ADK: variants seen among roughly 807,000 people sequenced by gnomAD.
ADK encodes N6,N6-dimethyladenosine kinase.
In ADK, 24 loss-of-function variants were observed where a neutral mutation model predicts 44.7. The ratio of observed to expected loss-of-function variants is 0.54; its 90% CI spans 0.39 to 0.76. The LOEUF (loss-of-function observed/expected upper bound fraction) is 0.76, where lower values mean the gene tolerates loss of function less well. Among genes scored for constraint, ADK ranks in the 30% least tolerant of loss-of-function variants. ADK has a pLI of 0.00. For synonymous variants in ADK, 128 were observed against 142.6 expected (o/e 0.90, Z 0.73); for missense variants, 321 against 425.1 (o/e 0.76, Z 2.15).
At chr10:74,254,244 C>CT (rs553960252) in intron 3 of ADK, among the ~76,000 whole-genome samples, 10 of 152,168 alleles carry the variant, frequency 6.6e-5, no homozygotes, top group Non-Finnish European at 1.3e-4. Flanking sequence ...ATATGCTCTT[C>CT]TTTTTGAAAT....
At chr10:74,648,651 C>T (rs1854141125) in intron 9 of ADK, among the ~76,000 whole-genome samples, 1 of 151,772 alleles carries the variant, frequency 6.6e-6, no homozygotes, top group African/African-American at 2.4e-5. Flanking sequence ...GCACTTCAGC[C>T]TGGTGACAAA....
rs1855829381 is a variant in ADK, at chr10:74,687,306, G to A, written c.964+17037G>A. ...CTACTCAGCTGCATTACGTGTCTGC[G>A]TCTTACTGTCTCACAGTCAGCTTCC... On this transcript the variant is annotated intron_variant, in intron 10 of 10. Transcript: ENST00000539909. Among the ~76,000 whole-genome samples, 3 of 147,118 alleles carry A rather than the reference G, an allele frequency of 2.0e-5. No homozygotes were observed. In the South Asian group the frequency reaches 6.3e-4, roughly 31 times the overall value.
rs75352805 is a variant in ADK at position 74,343,788 on chromosome 10, T to C, written c.273+29043T>C. Among the ~76,000 whole-genome samples, 131 of 152,224 alleles carry C rather than the reference T, an allele frequency of 8.6e-4. 2 individuals carry two copies. The East Asian group carries it at 0.016, about 18-fold the overall frequency. On this transcript the variant is annotated intron_variant, in intron 4 of 10. Coordinates refer to ENST00000539909, the MANE Select transcript of ADK (RefSeq NM_006721.4). ...CACGCCTAACTTATTTTTGTATTTT[T>C]AGTAGAGATGGGGTTTCACCATGTT...
At chr10:74,310,138 A>G (rs1198356311) in intron 3 of ADK, among the ~76,000 whole-genome samples, 1 of 152,094 alleles carries the variant, frequency 6.6e-6, no homozygotes, top group Admixed American at 6.5e-5. Context: ...TGAGGTGTTT[A>G]TATGGCCACC....
At chr10:74,334,515 T>C (rs1200136508) in intron 4 of ADK, among the ~76,000 whole-genome samples, 1 of 152,172 alleles carries the variant, frequency 6.6e-6, no homozygotes, top group Non-Finnish European at 1.5e-5. Context: ...TCATAAGTAA[T>C]GAAGTGTTTT....
intron 1 of ADK, among the ~76,000 whole-genome samples, chr10:74,165,885 T>A (rs950631327): frequency 6.6e-6 from 1 of 152,242 alleles, no homozygotes; most frequent in Non-Finnish European, 1.5e-5. Context: ...TGGGATCTAC[T>A]TAGTGGTATG....
At chr10:74,243,332 AC>A (rs1475426513) in intron 3 of ADK, among the ~76,000 whole-genome samples, 1 of 152,184 alleles carries the variant, frequency 6.6e-6, no homozygotes, top group African/African-American at 2.4e-5. Flanking sequence ...GCGTGAGTAA[AC>A]TGTCGCCCTT....
At position 74,561,031 on chromosome 10, in the gene ADK, GA is replaced by G. The variant is rs373947900; in HGVS notation, c.727-28249del. Among the ~76,000 whole-genome samples, 433 of 152,234 alleles carry G rather than the reference GA, an allele frequency of 2.8e-3. 5 individuals are homozygous for G. Among genetic ancestry groups the G allele is most frequent in the African/African-American group, 1.0e-2 (414 of 41,544 alleles). On this transcript the variant is annotated intron_variant, in intron 7 of 10. Coordinates refer to ENST00000539909, the MANE Select transcript of ADK (RefSeq NM_006721.4). ...CCCCTCTCCAAACCAAAACAAAACA[GA>G]ACAACAAAATTGTCAGTCTCTTCTG...
At chr10:74,676,964 G>A (rs1855414408) in intron 10 of ADK, among the ~76,000 whole-genome samples, 1 of 152,112 alleles carries the variant, frequency 6.6e-6, no homozygotes, top group African/African-American at 2.4e-5. Context: ...CATTCTCTAG[G>A]CTGGGAGCAG....
At chr10:74,346,927 G>A (rs528117169) in intron 4 of ADK, among the ~76,000 whole-genome samples, 4 of 151,870 alleles carry the variant, frequency 2.6e-5, no homozygotes, top group Admixed American at 1.3e-4. Context: ...TGGCTAACAC[G>A]GTGAAACCCT....
At chr10:74,543,848 CTTTTATCTTTTTTTTTTCTT>C (rs992562852) in intron 7 of ADK, among the ~76,000 whole-genome samples, 1 of 151,800 alleles carries the variant, frequency 6.6e-6, no homozygotes, top group African/African-American at 2.4e-5. Flanking sequence ...TTTAAAGACT[CTTTTATCTTTTTTTTTTCTT>C]TTTTTTGCTA....
intron 9 of ADK, among the ~76,000 whole-genome samples, chr10:74,605,999 A>T (rs1192103091): frequency 6.6e-6 from 1 of 152,094 alleles, no homozygotes; most frequent in Admixed American, 6.5e-5. Flanking sequence ...TAATGTATCC[A>T]TTTCTTCTAG....
At chr10:74,307,881 T>C (rs997797570) in intron 3 of ADK, among the ~76,000 whole-genome samples, 1 of 152,182 alleles carries the variant, frequency 6.6e-6, no homozygotes, top group African/African-American at 2.4e-5. Flanking sequence ...GGGGTGATGC[T>C]CTAGGTTTAC....
intron 6 of ADK, among the ~76,000 whole-genome samples, chr10:74,401,469 C>A (rs962757758): frequency 1.3e-5 from 2 of 151,984 alleles, no homozygotes; most frequent in East Asian, 1.9e-4. Context: ...CTTCTTGTTG[C>A]ATTGATCCCT....
intron 4 of ADK, among the ~76,000 whole-genome samples, chr10:74,360,042 A>T (rs1309520197): frequency 6.6e-6 from 1 of 152,176 alleles, no homozygotes; most frequent in East Asian, 1.9e-4. Context: ...ATATGGTCTA[A>T]TTAATATATT....
intron 6 of ADK, among the ~76,000 whole-genome samples, chr10:74,404,072 C>T (rs930688763): frequency 1.3e-5 from 2 of 151,932 alleles, no homozygotes; most frequent in African/African-American, 2.4e-5. Flanking sequence ...CGGGGTTTCA[C>T]CATGTTAGCC....
At chr10:74,560,635 A>G (rs1407779838) in intron 7 of ADK, among the ~76,000 whole-genome samples, 1 of 152,168 alleles carries the variant, frequency 6.6e-6, no homozygotes, top group Non-Finnish European at 1.5e-5. Context: ...TTAGTCTTTT[A>G]TGTGTCCTTA....
At chr10:74,167,498 T>C (rs1030838107) in intron 1 of ADK, among the ~76,000 whole-genome samples, 3 of 152,190 alleles carry the variant, frequency 2.0e-5, no homozygotes, top group African/African-American at 7.2e-5. Flanking sequence ...GGAGGGTCCA[T>C]CTTATCTTTA....
At chr10:74,545,398 A>T (rs1045876871) in intron 7 of ADK, among the ~76,000 whole-genome samples, 4 of 152,182 alleles carry the variant, frequency 2.6e-5, no homozygotes, top group Non-Finnish European at 4.4e-5. Flanking sequence ...TGGTACCCTT[A>T]TACTAATTTA....
Sources: gnomAD v4.1 joint callset for allele counts (sites outside exome capture counted in the v4.1 genomes callset) on GRCh38, gnomAD v4.1.1 for gene constraint, MANE v1.5 for transcripts, NCBI Gene and HGNC (gene_info 2026-07-23, HGNC 2026-07-21) for gene names.